RIMBP2: variants seen among roughly 807,000 people sequenced by gnomAD.
RIMBP2 encodes the protein RIMS-binding protein 2.
Under a neutral mutation model 118.6 loss-of-function variants are expected in RIMBP2, and 48 were observed. The observed-to-expected ratio is 0.40, with a 90% confidence interval of 0.32 to 0.51. The LOEUF (loss-of-function observed/expected upper bound fraction) is 0.51, where lower values mean the gene tolerates loss of function less well. Ranked by LOEUF, RIMBP2 falls within the 20% of genes least tolerant of loss-of-function variation. RIMBP2 has a pLI of 0.41. For missense variants in RIMBP2, 1,551 were observed against 1,768.3 expected, an observed-to-expected ratio of 0.88 and a Z score of 2.20; for synonymous variants, 762 against 742.9, an observed-to-expected ratio of 1.03 and a Z score of -0.42.
intron 2 of RIMBP2, among the ~76,000 whole-genome samples, chr12:130,628,117 C>T (rs1465671032): frequency 2.6e-5 from 4 of 152,198 alleles, no homozygotes; most frequent in Non-Finnish European, 4.4e-5. Flanking sequence ...AGGGCCTTTG[C>T]ACGGCTGTTC....
intron 2 of RIMBP2, among the ~76,000 whole-genome samples, chr12:130,556,507 G>A (rs539818760): frequency 9.8e-5 from 15 of 152,356 alleles, no homozygotes; most frequent in East Asian, 3.9e-4. Context: ...AGAGGGGCAT[G>A]GGCAGAATTA....
At chr12:130,474,006 G>A (rs1238809404) in intron 5 of RIMBP2, among the ~76,000 whole-genome samples, 3 of 152,142 alleles carry the variant, frequency 2.0e-5, no homozygotes, top group East Asian at 1.9e-4. Flanking sequence ...TTATAAATAC[G>A]GAAAAGCCCT....
At chr12:130,612,875 T>C (rs1449703644) in intron 2 of RIMBP2, among the ~76,000 whole-genome samples, 1 of 152,046 alleles carries the variant, frequency 6.6e-6, no homozygotes, top group Non-Finnish European at 1.5e-5. Flanking sequence ...AGAGTCCGGA[T>C]GGGTAAAACA....
chr12:130,527,297 A>C (rs2052905701), intron 2 of RIMBP2, among the ~76,000 whole-genome samples: 1 of 152,236 alleles, frequency 6.6e-6, no homozygotes, highest in Admixed American at 6.5e-5. Context: ...CACTAAAACA[A>C]TTGCTTCTGG....
intron 1 of RIMBP2, among the ~76,000 whole-genome samples, chr12:130,701,034 G>A (rs2065830863): frequency 6.6e-6 from 1 of 152,236 alleles, no homozygotes; most frequent in Admixed American, 6.5e-5. Context: ...GACAAGAAGA[G>A]TGCACAGGTC....
At chr12:130,603,701 G>A (rs1477198796) in intron 2 of RIMBP2, among the ~76,000 whole-genome samples, 1 of 152,168 alleles carries the variant, frequency 6.6e-6, no homozygotes, top group Non-Finnish European at 1.5e-5. Context: ...AAAGCTCGCT[G>A]TAGCCCTATA....
At chr12:130,493,821 C>A (rs532988358) in intron 4 of RIMBP2, among the ~76,000 whole-genome samples, 1 of 152,338 alleles carries the variant, frequency 6.6e-6, no homozygotes, top group East Asian at 1.9e-4. Context: ...GTTGAAGTGT[C>A]ATTTATGTAC....
At chr12:130,438,333 A>AAGGCC in intron 12 of RIMBP2, 32 bp downstream of exon 12, 1 of 1,434,712 alleles carries the variant, frequency 7.0e-7, no homozygotes, top group Non-Finnish European at 9.8e-7. Context: ...AGGGCCTAAC[A>AAGGCC]AACCCTCCCC....
chr12:130,427,987 C>A, intron 15 of RIMBP2, 192 bp downstream of exon 15: 1 of 537,032 alleles, frequency 1.9e-6, no homozygotes, highest in South Asian at 3.5e-5. Flanking sequence ...ACCTTTTGGC[C>A]AAGAGCAAGA....
In RIMBP2 at chr12:130,399,660, G is replaced by T; in HGVS notation, c.3900+19C>A. 3 of 1,613,822 alleles carry T rather than the reference G, an allele frequency of 1.9e-6. No individual in the cohort carries two copies. Among genetic ancestry groups the T allele is most frequent in the Non-Finnish European group, 2.5e-6 (3 of 1,179,742 alleles). On this transcript the variant is annotated intron_variant, in intron 22 of 22. Coordinates refer to ENST00000690449, the MANE Select transcript of RIMBP2 (RefSeq NM_001393629.1). ...GCAGAACGGGACAGAGATTAAAAAG[G>T]CTAAATAGGTTTGCTTACCCTTTTT...
intron 2 of RIMBP2, among the ~76,000 whole-genome samples, chr12:130,610,105 G>A (rs1318940512): frequency 6.6e-6 from 1 of 150,746 alleles, no homozygotes; most frequent in East Asian, 2.2e-4. Context: ...GGGGGAAAAT[G>A]GGAAGCCTGC....
chr12:130,619,631 G>A (rs1377926189), intron 2 of RIMBP2, among the ~76,000 whole-genome samples: 1 of 152,204 alleles, frequency 6.6e-6, no homozygotes, highest in Admixed American at 6.5e-5. Flanking sequence ...CGACTGATCA[G>A]TGTGGATCTC....
chr12:130,549,162 T>G (rs1207130288), intron 2 of RIMBP2, among the ~76,000 whole-genome samples: 1 of 152,168 alleles, frequency 6.6e-6, no homozygotes, highest in African/African-American at 2.4e-5. Flanking sequence ...AACGTGTAAC[T>G]CTAGGCTGGT....
chr12:130,489,261 T>C (rs2048402172), intron 4 of RIMBP2, among the ~76,000 whole-genome samples: 1 of 152,176 alleles, frequency 6.6e-6, no homozygotes, highest in South Asian at 2.1e-4. Flanking sequence ...GATAGAATGG[T>C]GGGAATCTGT....
intron 2 of RIMBP2, among the ~76,000 whole-genome samples, chr12:130,564,327 C>CTG (rs33981728): frequency 0.42 from 44,482 of 105,340 alleles, 6,638 homozygotes; most frequent in South Asian, 0.5. Flanking sequence ...CTTTTCAGCA[C>CTG]TGTGTTTTTT....
At chr12:130,513,555 A>T (rs915608723) in intron 3 of RIMBP2, among the ~76,000 whole-genome samples, 1 of 152,192 alleles carries the variant, frequency 6.6e-6, no homozygotes, top group Non-Finnish European at 1.5e-5. Flanking sequence ...CAAACAGAGA[A>T]GAAATTTGAA....
intron 2 of RIMBP2, among the ~76,000 whole-genome samples, chr12:130,579,142 T>C (rs574978166): frequency 6.6e-6 from 1 of 152,280 alleles, no homozygotes; most frequent in Admixed American, 6.5e-5. Context: ...ACGGCACGTC[T>C]GAGCCCCGCT....
At chr12:130,493,961 G>C (rs748177423) in intron 4 of RIMBP2, among the ~76,000 whole-genome samples, 3 of 152,314 alleles carry the variant, frequency 2.0e-5, no homozygotes, top group Non-Finnish European at 2.9e-5. Flanking sequence ...GGCCCGACAG[G>C]CACTGGAGAC....
chr12:130,433,760 C>T lies in RIMBP2; in HGVS notation c.2253+974G>A, dbSNP rs182842583. Among the ~76,000 whole-genome samples, 85 of 152,252 alleles carry T rather than the reference C, an allele frequency of 5.6e-4. 1 individual carries two copies. Among genetic ancestry groups the T allele is most frequent in the Middle Eastern group, 3.4e-3 (1 of 294 alleles). ...GTGTGATTATTGGAGCTATGGCAGC[C>T]ACTTTGTAACCACGAGAGAAAGGCC... On this transcript the variant is annotated intron_variant, in intron 14 of 22. Transcript: ENST00000690449.
Sources: allele counts gnomAD v4.1 joint callset (sites outside exome capture counted in the v4.1 genomes callset), GRCh38; gene constraint gnomAD v4.1.1; transcripts MANE v1.5; gene names NCBI Gene and HGNC (gene_info 2026-07-23, HGNC 2026-07-21).